The following TXNRD3 variants were observed in gnomAD, a reference collection of about 807,000 sequenced individuals.
The protein encoded by TXNRD3 is thioredoxin reductase 3, also known as TXNRD3 neighbor gene protein.
In TXNRD3, 68 loss-of-function variants were observed where a neutral mutation model predicts 78.2. The ratio of observed to expected loss-of-function variants is 0.87; its 90% CI spans 0.72 to 1.06. The LOEUF is 1.06. TXNRD3 is among the 50% of genes least tolerant of loss of function. The pLI is 0.00. For synonymous variants in TXNRD3, 296 were observed against 300.1 expected, an observed-to-expected ratio of 0.99 and a Z score of 0.14; for missense variants, 751 against 809.5, an observed-to-expected ratio of 0.93 and a Z score of 0.88.
intron 6 of TXNRD3, among the ~76,000 whole-genome samples, chr3:126,635,848 A>G (rs1171437090): frequency 1.3e-5 from 2 of 152,288 alleles, no homozygotes; most frequent in South Asian, 2.1e-4. Context: ...TTTATATTAC[A>G]CACATCACAC....
At position 126,642,041 on chromosome 3, in the gene TXNRD3, T is replaced by C. The variant is rs1272829079; in HGVS notation, c.703A>G (p.Asn235Asp). ...ATGAACCATTACTCACCTTGTTGAT[T>C]ATATTCCCAGCCAAATTTCCTTGAG... The change falls in exon 6 of 16, where the codon AAT becomes GAT. Residue 235 changes from asparagine to aspartate, a missense_variant. By Grantham distance (23) the Asn-to-Asp change is conservative (BLOSUM62 1). Transcript: ENST00000524230. 14 of 1,535,030 alleles carry C rather than the reference T, an allele frequency of 9.1e-6. No homozygotes were observed. Among genetic ancestry groups the C allele is most frequent in the Non-Finnish European group, 1.1e-5 (13 of 1,146,648 alleles).
intron 13 of TXNRD3, among the ~76,000 whole-genome samples, chr3:126,614,025 T>C (rs1192161537): frequency 6.6e-6 from 1 of 152,224 alleles, no homozygotes; most frequent in Non-Finnish European, 1.5e-5. Flanking sequence ...GATGGTGATA[T>C]TGATGTTTTT....
At chr3:126,650,290 A>T (rs1487991349) in intron 1 of TXNRD3, among the ~76,000 whole-genome samples, 1 of 152,222 alleles carries the variant, frequency 6.6e-6, no homozygotes, top group Non-Finnish European at 1.5e-5. Flanking sequence ...CGCTGCTCAC[A>T]AGCGTGAGAT....
At chr3:126,616,950 A>G (rs1299332455) in intron 12 of TXNRD3, among the ~76,000 whole-genome samples, 3 of 152,152 alleles carry the variant, frequency 2.0e-5, no homozygotes, top group Non-Finnish European at 4.4e-5. Context: ...TCACATAACT[A>G]TGTGAACTGC....
intron 12 of TXNRD3, among the ~76,000 whole-genome samples, chr3:126,616,631 T>C (rs1938326398): frequency 6.6e-6 from 1 of 152,174 alleles, no homozygotes; most frequent in Non-Finnish European, 1.5e-5. Context: ...CACCTCCAAA[T>C]GCAGGCAGGC....
In TXNRD3 at chr3:126,647,368, G is replaced by A. The variant is rs945545004; in HGVS notation, c.244-72C>T. 3.8e-6 allele frequency: 4 copies of A among 1,059,022 alleles called. No homozygotes were observed. In the African/African-American group the frequency reaches 6.4e-5, roughly 17 times the overall value. 65.6% of individuals were successfully genotyped at this position (1,059,022 alleles called of 1,614,324 possible). On this transcript the variant is annotated intron_variant, in intron 1 of 15. Transcript: ENST00000524230. ...AGCTATGAAATATGAACATAGTAAT[G>A]AGAGATGTCAACAATAAATGTTCTG... is the stretch of plus-strand genomic sequence containing the variant.
intron 12 of TXNRD3, among the ~76,000 whole-genome samples, chr3:126,617,553 A>G (rs915566908): frequency 2.0e-5 from 3 of 152,162 alleles, no homozygotes; most frequent in Admixed American, 6.5e-5. Context: ...CCGTGCCCAA[A>G]CCTCTTCATC....
At chr3:126,641,130 CTCA>C (rs1933075257) in intron 6 of TXNRD3, among the ~76,000 whole-genome samples, 1 of 152,160 alleles carries the variant, frequency 6.6e-6, no homozygotes, top group Admixed American at 6.5e-5. Context: ...TATCCTCCTC[CTCA>C]TTTTTGCGTA....
intron 13 of TXNRD3, 24 bp downstream of exon 13, chr3:126,615,329 AAG>A: frequency 8.5e-7 from 1 of 1,175,658 alleles, no homozygotes; most frequent in Non-Finnish European, 1.2e-6. Context: ...AGAATTTTTT[AAG>A]GAAGTAATAA....
intron 12 of TXNRD3, among the ~76,000 whole-genome samples, chr3:126,620,069 G>C (rs1042444644): frequency 2.0e-5 from 3 of 152,126 alleles, no homozygotes; most frequent in African/African-American, 7.2e-5. Flanking sequence ...GCTGAGGCAG[G>C]CGGATCACGA....
chr3:126,622,487 C>T lies in TXNRD3; in HGVS notation c.1344G>A (p.Lys448=), dbSNP rs777673890. Residue 448 remains lysine (K), a synonymous_variant, in exon 11 of 16, where the codon AAG becomes AAA. Coordinates refer to ENST00000524230, the MANE Select transcript of TXNRD3 (RefSeq NM_052883.3). The stretch of plus-strand genomic sequence containing the variant: ...ACTTCTCATTAATTTTGACACCAAT[C>T]TTCTCCAAGCCTATTTTCCTTGTAC... 4.6e-6 allele frequency: 7 copies of T among 1,535,482 alleles called. No homozygotes were observed. The highest frequency in any genetic ancestry group is 6.1e-6 in the Non-Finnish European group (7 of 1,146,750).
chr3:126,628,821 A>T (rs764164233), intron 10 of TXNRD3, among the ~76,000 whole-genome samples: 41 of 152,162 alleles, frequency 2.7e-4, no homozygotes, highest in Admixed American at 1.4e-3. Context: ...GTTTTGTTAC[A>T]TGTTTTTTTG....
At chr3:126,646,530 G>A (rs576810201) in intron 2 of TXNRD3, among the ~76,000 whole-genome samples, 8 of 152,214 alleles carry the variant, frequency 5.3e-5, no homozygotes, top group Admixed American at 1.3e-4. Flanking sequence ...AGATAAAATC[G>A]CTGTAACAAT....
In TXNRD3 at chr3:126,607,815, C is replaced by A; in HGVS notation, c.*90G>T. The A allele has an allele frequency of 9.3e-7, 1 of 1,070,304 alleles. No homozygotes were observed. Among genetic ancestry groups the A allele is most frequent in the South Asian group, 1.8e-5 (1 of 54,816 alleles). 66.3% of individuals were successfully genotyped at this position (1,070,304 alleles called of 1,614,324 possible). A position where few individuals can be genotyped will look rare whatever the true frequency, so the allele number is the denominator to read the frequency against. ...CACTGGTCCCTGAGTAACAGAGCAGCTGTCATGAGCACAGGCTCATTTTAT... is the reference window on the plus strand; with the variant it reads ...CACTGGTCCCTGAGTAACAGAGCAGATGTCATGAGCACAGGCTCATTTTAT... On this transcript the variant is annotated 3_prime_UTR_variant, in exon 16 of 16. Coordinates refer to ENST00000524230, the MANE Select transcript of TXNRD3 (RefSeq NM_052883.3).
intron 1 of TXNRD3, among the ~76,000 whole-genome samples, chr3:126,648,613 A>C (rs142486192): frequency 8.1e-4 from 124 of 152,338 alleles, no homozygotes; most frequent in African/African-American, 2.9e-3. Context: ...TCTTTTCAAC[A>C]AATGATGCTG....
At chr3:126,625,465 T>G (rs972872821) in intron 10 of TXNRD3, among the ~76,000 whole-genome samples, 1 of 151,814 alleles carries the variant, frequency 6.6e-6, no homozygotes, top group Non-Finnish European at 1.5e-5. Flanking sequence ...TTCATCCATG[T>G]CCCTACAAAG....
At chr3:126,623,851 CCAA>C (rs1480968956) in intron 10 of TXNRD3, among the ~76,000 whole-genome samples, 3 of 89,760 alleles carry the variant, frequency 3.3e-5, no homozygotes, top group Non-Finnish European at 4.5e-5. Context: ...TGAAACAAGG[CCAA>C]AAAAAAAAAA....
chr3:126,609,897 T>G (rs1938157082), intron 14 of TXNRD3, among the ~76,000 whole-genome samples: 1 of 152,126 alleles, frequency 6.6e-6, no homozygotes, highest in South Asian at 2.1e-4. Context: ...GTACAGTCTC[T>G]CCCTACTCCC....
Position 126,611,147 on chromosome 3 carries a change from A to G in TXNRD3, c.1633-15T>C. ...GTATGATATATCTGGAAGATAAAAG[A>G]GAGAAAAAGGGCAGAATTAATGTAT... is the stretch of plus-strand genomic sequence containing the variant. On this transcript the variant is annotated splice_polypyrimidine_tract_variant and intron_variant, in intron 13 of 15. Transcript: ENST00000524230. The G allele has an allele frequency of 1.4e-6, 2 of 1,476,616 alleles. No individual in the cohort carries two copies. The highest frequency in any genetic ancestry group is 1.4e-5 in the African/African-American group (1 of 71,158). 91.5% of individuals were successfully genotyped at this position (1,476,616 alleles called of 1,614,324 possible). A position where few individuals can be genotyped will look rare whatever the true frequency, so the allele number is the denominator to read the frequency against.
Sources: gnomAD v4.1 joint callset for allele counts (sites outside exome capture counted in the v4.1 genomes callset) on GRCh38, gnomAD v4.1.1 for gene constraint, MANE v1.5 for transcripts, NCBI Gene and HGNC (gene_info 2026-07-23, HGNC 2026-07-21) for gene names.